Variants in ELF4 observed in about 807,000 individuals in gnomAD.
The protein encoded by ELF4 is ETS-related transcription factor Elf-4.
ELF4 carries 10 observed loss-of-function variants against 31.7 expected under a neutral mutation model. That is an observed-to-expected ratio of 0.32 (90% CI 0.19 to 0.54). ELF4 has a LOEUF of 0.54. Ranked by LOEUF, ELF4 falls within the 20% of genes least tolerant of loss-of-function variation. The pLI is 0.95. For synonymous variants in ELF4, 208 were observed against 226.7 expected (o/e 0.92, Z 0.74); for missense variants, 418 against 522.0 (o/e 0.80, Z 1.94).
chrX:130,104,277 TACACACACACACACACACACACACAC>T (rs61193112), intron 1 of ELF4, among the ~76,000 whole-genome samples: 1 of 86,418 alleles, frequency 1.2e-5, no homozygotes, highest in Non-Finnish European at 2.3e-5. Flanking sequence ...TTCAGTATAT[TACACACACACACACACACACACACAC>T]ACACACACAC....
At chrX:130,100,486 C>A (rs937664288) in intron 1 of ELF4, among the ~76,000 whole-genome samples, 5 of 111,550 alleles carry the variant, frequency 4.5e-5, no homozygotes, top group African/African-American at 1.6e-4. Flanking sequence ...TTGGTCTCCT[C>A]ATGGTCCCCT....
At chrX:130,108,900 A>G (rs148213526) in intron 1 of ELF4, among the ~76,000 whole-genome samples, 41 of 108,225 alleles carry the variant, frequency 3.8e-4, no homozygotes, top group Admixed American at 1.1e-3. Flanking sequence ...TCCTCACACC[A>G]GCTGGCTGGG....
At chrX:130,091,452 T>G (rs1202345573) in intron 1 of ELF4, among the ~76,000 whole-genome samples, 2 of 111,267 alleles carry the variant, frequency 1.8e-5, no homozygotes, top group African/African-American at 6.5e-5. Flanking sequence ...TTTTTCAAAT[T>G]TGTATTTATT....
chrX:130,103,791 G>A (rs1933326579), intron 1 of ELF4, among the ~76,000 whole-genome samples: 1 of 112,160 alleles, frequency 8.9e-6, no homozygotes, highest in Non-Finnish European at 1.9e-5. Context: ...CTCAGGGGTG[G>A]TCCAGTTTAT....
At chrX:130,069,780 G>A (rs1230243382) in intron 7 of ELF4, 103 bp from the exon 8 acceptor site, 1 of 1,103,369 alleles carries the variant, frequency 9.1e-7, no homozygotes. Flanking sequence ...AGGCAAGCAT[G>A]AGGCTGAGTG....
At chrX:130,108,201 T>A in intron 1 of ELF4, among the ~76,000 whole-genome samples, 1 of 99,502 alleles carries the variant, frequency 1.0e-5, no homozygotes, top group African/African-American at 3.8e-5. Context: ...AGAGTGAAAC[T>A]CCATCTCAAA....
chrX:130,099,344 C>T (rs1447315083), intron 1 of ELF4, among the ~76,000 whole-genome samples: 3 of 111,815 alleles, frequency 2.7e-5, no homozygotes, highest in Non-Finnish European at 3.8e-5. Context: ...GAGGCAGAGG[C>T]GGGTGGATCG....
chrX:130,093,027 T>C (rs986559757), intron 1 of ELF4, among the ~76,000 whole-genome samples: 1 of 110,413 alleles, frequency 9.1e-6, no homozygotes, highest in Non-Finnish European at 1.9e-5. Flanking sequence ...AAAATCCACA[T>C]ATAGGCCGGG....
rs1208252249 is a variant in ELF4 at position 130,067,410 on chromosome X, T to C, written c.1303A>G (p.Ser435Gly). 1 of 1,212,137 alleles carries C rather than the reference T, an allele frequency of 8.2e-7. No individual in the cohort carries two copies. Among genetic ancestry groups the C allele is most frequent in the East Asian group, 3.0e-5 (1 of 33,832 alleles). The change falls in exon 9 of 9, where the codon AGT (serine) becomes GGT (glycine). Residue 435 changes from serine to glycine, a missense_variant. By Grantham distance (56) the Ser-to-Gly change is moderately conservative. This residue lies in a region of ELF4 where 260 missense variants were observed against 269.2 expected (regional missense o/e 0.97). Coordinates refer to ENST00000308167, the MANE Select transcript of ELF4 (RefSeq NM_001421.4). ...ACGAGCTGAGTGGGAGCAGTAGTAC[T>C]GGCAGGAGGCCCATTGGTCAGCACC... ...TTVLTNGPPA[S>G]TTAPTQLVLQ... is the part of the protein sequence containing the mutation.
chrX:130,085,424 C>A (rs1374591147), intron 1 of ELF4, among the ~76,000 whole-genome samples: 1 of 111,772 alleles, frequency 8.9e-6, no homozygotes, highest in Non-Finnish European at 1.9e-5. Flanking sequence ...CACAACTCGG[C>A]CCCCTTTAGA....
At chrX:130,093,155 C>A (rs777983226) in intron 1 of ELF4, among the ~76,000 whole-genome samples, 1 of 110,403 alleles carries the variant, frequency 9.1e-6, no homozygotes, top group African/African-American at 3.3e-5. Flanking sequence ...CACTCTGTCC[C>A]CCAGGTTGGA....
intron 1 of ELF4, among the ~76,000 whole-genome samples, chrX:130,085,254 A>T (rs875080): frequency 0.24 from 26,896 of 110,900 alleles, 2,457 homozygotes; most frequent in Middle Eastern, 0.3. Flanking sequence ...AGCCTTTGCG[A>T]GAAAGTATGT....
rs1933177051 is a variant in ELF4, at chrX:130,097,782, A to G, written c.-210+12543T>C. 7.1e-5 allele frequency among the ~76,000 whole-genome samples: 8 copies of G among 113,030 alleles called. No individual in the cohort carries two copies. In the South Asian group the frequency reaches 2.9e-3, roughly 41 times the overall value. On this transcript the variant is annotated intron_variant, in intron 1 of 8. Transcript: ENST00000308167. ...AGGTTCTTGGGCTGGCGCCCAGGCCAGCAGCCCCACCTTGCACTGAGCTTG... is the reference window on the plus strand; with the variant it reads ...AGGTTCTTGGGCTGGCGCCCAGGCCGGCAGCCCCACCTTGCACTGAGCTTG...
At chrX:130,071,510 G>A in intron 5 of ELF4, 91 bp from the exon 6 acceptor site, 1 of 908,776 alleles carries the variant, frequency 1.1e-6, no homozygotes, top group Non-Finnish European at 1.6e-6. Context: ...CAACAAGGAG[G>A]AGGCAGGTCA....
At chrX:130,100,786 C>T (rs983159217) in intron 1 of ELF4, among the ~76,000 whole-genome samples, 11 of 111,997 alleles carry the variant, frequency 9.8e-5, no homozygotes, top group Non-Finnish European at 1.9e-4. Context: ...GTAAAATCCA[C>T]GGGATCAAAG....
intron 2 of ELF4, 44 bp downstream of exon 2, chrX:130,081,212 A>C: frequency 8.4e-7 from 1 of 1,192,828 alleles, no homozygotes. Context: ...TGTCTATCTG[A>C]TTGTCCACAG....
At chrX:130,111,609 G>A (rs776174483), upstream of ELF4, among the ~76,000 whole-genome samples, 1 of 112,221 alleles carries the variant, frequency 8.9e-6, no homozygotes, top group East Asian at 2.8e-4. Flanking sequence ...CGGGAAGTTG[G>A]GGTGGGGGAC....
rs1323179396 is a variant in ELF4, at chrX:130,066,715, C to G, written c.*6G>C. Reference sequence around the variant, plus strand: ...TGGTGGGTCACACTTGCCCTGACCCCTTTGCTTATATGTCATGGGGCTCCA... The same window carrying G: ...TGGTGGGTCACACTTGCCCTGACCCGTTTGCTTATATGTCATGGGGCTCCA... On this transcript the variant is annotated 3_prime_UTR_variant, in exon 9 of 9. Coordinates refer to ENST00000308167, the MANE Select transcript of ELF4 (RefSeq NM_001421.4). The G allele has an allele frequency of 4.1e-6, 5 of 1,209,809 alleles. No homozygotes were observed. In the South Asian group the frequency reaches 7.0e-5, roughly 17 times the overall value.
chrX:130,083,961 C>T (rs1050749650), intron 1 of ELF4, among the ~76,000 whole-genome samples: 4 of 111,636 alleles, frequency 3.6e-5, no homozygotes, highest in African/African-American at 6.5e-5. Flanking sequence ...GTAGGTGTCA[C>T]GTACTCTGCC....
Sources: gnomAD v4.1 joint callset for allele counts (sites outside exome capture counted in the v4.1 genomes callset) on GRCh38, gnomAD v4.1.1 for gene constraint, gnomAD v4.1.1 regional missense constraint, MANE v1.5 for transcripts, NCBI Gene and HGNC (gene_info 2026-07-23, HGNC 2026-07-21) for gene names.